Variants in PTCH1 observed in about 807,000 individuals in gnomAD.
PTCH1 encodes the protein protein patched homolog 1.
Under a neutral mutation model 144.6 loss-of-function variants are expected in PTCH1, and 14 were observed. The observed-to-expected ratio is 0.10, with a 90% CI of 0.06 to 0.15. The LOEUF (loss-of-function observed/expected upper bound fraction) is 0.15, where lower values mean the gene tolerates loss of function less well. PTCH1 is among the 10% of genes least tolerant of loss of function. The pLI is 1.00. For synonymous variants in PTCH1, 833 were observed against 793.6 expected, an observed-to-expected ratio of 1.05 and a Z score of -0.83; for missense variants, 1,623 against 1,948.3, an observed-to-expected ratio of 0.83 and a Z score of 3.14.
intron 18 of PTCH1, among the ~76,000 whole-genome samples, chr9:95,457,148 T>G (rs576367434): frequency 1.3e-5 from 2 of 152,006 alleles, no homozygotes; most frequent in Non-Finnish European, 2.9e-5. Context: ...TGAGTTAGAT[T>G]TGGAGTTTCT....
upstream of PTCH1, among the ~76,000 whole-genome samples, chr9:95,510,550 G>T (rs1725878372): frequency 6.6e-6 from 1 of 151,880 alleles, no homozygotes; most frequent in African/African-American, 2.4e-5. Context: ...TTTTTCTTAC[G>T]TTTCCAAGTT....
exon 1 of PTCH1, chr9:95,516,781 G>A (rs759072485): frequency 1.2e-6 from 2 of 1,612,518 alleles, no homozygotes; most frequent in Non-Finnish European, 8.5e-7. Context: ...GTGCAGCGCG[G>A]ACTCACAATT....
In PTCH1 at chr9:95,461,886, G is replaced by T. The variant is rs2099178630; in HGVS notation, c.2673C>A (p.Gly891=). 1 of 1,614,130 alleles carries T rather than the reference G, an allele frequency of 6.2e-7. No homozygotes were observed. The highest frequency in any genetic ancestry group is 1.1e-5 in the South Asian group (1 of 91,092). Residue 891 remains glycine (G), a synonymous_variant, in exon 16 of 24, where the codon GGC becomes GGA. Transcript: ENST00000331920. The part of the protein sequence containing the change: ...VLAYKLLVQT[G]SRDKPIDISQ... ...TGATGTCGATGGGCTTATCGCGGCT[G>T]CCGGTTTGCACCAGGAGTTTGTAGG... is the stretch of plus-strand genomic sequence containing the variant.
rs748609458 is a variant in PTCH1, at chr9:95,447,234, G to A, written c.4022C>T (p.Pro1341Leu). ...AGGGTTGTGAGAACGGGCCCCGCGA[G>A]GGCCCCAGCGGGCCCTATTGCTAGG... is the stretch of plus-strand genomic sequence containing the variant. ...SGPSNRARWG[P>L]RGARSHNPRN... is the part of the protein sequence containing the mutation. Residue 1341 changes from proline (P) to leucine (L), a missense_variant, in exon 23 of 24, where the codon CCT becomes CTT. Coordinates refer to ENST00000331920, the MANE Select transcript of PTCH1 (RefSeq NM_000264.5). 1.2e-6 allele frequency: 2 copies of A among 1,611,570 alleles called. No individual in the cohort carries two copies. Among genetic ancestry groups the A allele is most frequent in the Non-Finnish European group, 1.7e-6 (2 of 1,178,592 alleles).
intron 3 of PTCH1, 136 bp downstream of exon 3, chr9:95,485,549 G>T: frequency 1.9e-6 from 2 of 1,050,462 alleles, no homozygotes; most frequent in Non-Finnish European, 2.8e-6. Flanking sequence ...TCCTTTCATT[G>T]CAAAGCTATT....
Position 95,508,592 on chromosome 9 carries a change from T to C in PTCH1, c.-231A>G. 2.0e-6 allele frequency: 2 copies of C among 996,570 alleles called. No homozygotes were observed. The highest frequency in any genetic ancestry group is 2.4e-6 in the Non-Finnish European group (2 of 837,940). The allele number at this position is 996,570 out of a possible 1,614,324, so 61.7% of individuals were successfully genotyped here. On this transcript the variant is annotated 5_prime_UTR_variant, in exon 1 of 24. Coordinates refer to ENST00000331920, the MANE Select transcript of PTCH1 (RefSeq NM_000264.5). ...CGGCCGCTGCCGGGGAGTCAGACCCTGCGCCTTCCATTGCCACATTGCGCG... is the reference window on the plus strand; with the variant it reads ...CGGCCGCTGCCGGGGAGTCAGACCCCGCGCCTTCCATTGCCACATTGCGCG...
At chr9:95,503,188 G>C (rs1843275804) in intron 2 of PTCH1, 1 of 152,176 alleles carries the variant, frequency 6.6e-6, no homozygotes, top group South Asian at 2.1e-4. Context: ...AGAACCTTAA[G>C]AACAACCTAC....
At chr9:95,460,373 G>A (rs1457572948) in intron 16 of PTCH1, among the ~76,000 whole-genome samples, 5 of 152,158 alleles carry the variant, frequency 3.3e-5, no homozygotes, top group African/African-American at 7.2e-5. Flanking sequence ...TCCGCACGCC[G>A]CGTCCTCTGC....
At chr9:95,515,695 C>A (rs914029938) in intron 1 of PTCH1, among the ~76,000 whole-genome samples, 5 of 152,312 alleles carry the variant, frequency 3.3e-5, no homozygotes, top group Admixed American at 3.3e-4. Flanking sequence ...GGGCTGGTCG[C>A]CCATCTCTGT....
upstream of PTCH1, among the ~76,000 whole-genome samples, chr9:95,510,018 A>G (rs919663846): frequency 4.7e-5 from 7 of 149,194 alleles, no homozygotes; most frequent in Non-Finnish European, 1.0e-4. Flanking sequence ...AAAAAAAAAC[A>G]CAGTCTTGGT....
At chr9:95,479,881 A>G in intron 7 of PTCH1, 88 bp downstream of exon 7, 2 of 1,594,494 alleles carry the variant, frequency 1.3e-6, no homozygotes, top group Non-Finnish European at 8.6e-7. Context: ...TATTAATACA[A>G]ATACACTTGC....
intron 16 of PTCH1, among the ~76,000 whole-genome samples, chr9:95,460,918 C>A (rs1467460538): frequency 2.0e-5 from 3 of 152,146 alleles, no homozygotes; most frequent in Non-Finnish European, 4.4e-5. Context: ...CTGCTGTGAG[C>A]TCAGAGTTTC....
Position 95,456,178 on chromosome 9 carries a change from C to T in PTCH1, c.3306+98G>A, listed in dbSNP as rs886168852. 17 of 1,538,898 alleles carry T rather than the reference C, an allele frequency of 1.1e-5. 1 individual carries two copies. In the Middle Eastern group the frequency reaches 5.1e-4, roughly 46 times the overall value. Reference sequence around the variant, plus strand: ...GTGCCCTGAGGCCTTTTCACTGCCACGCACAGGGAGAATGCAAGGTTCCCA... The same window carrying T: ...GTGCCCTGAGGCCTTTTCACTGCCATGCACAGGGAGAATGCAAGGTTCCCA... On this transcript the variant is annotated intron_variant, in intron 19 of 23. Coordinates refer to ENST00000331920, the MANE Select transcript of PTCH1 (RefSeq NM_000264.5).
upstream of PTCH1, chr9:95,513,916 C>T (rs984508542): frequency 4.6e-5 from 7 of 152,236 alleles, no homozygotes; most frequent in African/African-American, 1.7e-4. Context: ...GGAAGCTGCT[C>T]CTAACTCCAC....
chr9:95,469,020 T>C lies in PTCH1; in HGVS notation c.1981A>G (p.Thr661Ala), dbSNP rs753850577. 10 of 1,613,950 alleles carry C rather than the reference T, an allele frequency of 6.2e-6. No homozygotes were observed. The South Asian group carries it at 9.9e-5, about 16-fold the overall frequency. ...TCGTACTCCGTGCGGAGCTGGACAG[T>C]GGACTGCATGGTAATCTGCGTTTCA... ...AHETQITMQSTVQLRTEYDPH... is the reference protein window; with the variant it reads ...AHETQITMQSAVQLRTEYDPH... Residue 661 changes from threonine to alanine, a missense_variant, in exon 14 of 24, where the codon ACT (threonine) becomes GCT (alanine). Thr to Ala is a moderately conservative substitution (Grantham distance 58). Transcript: ENST00000331920.
At chr9:95,456,051 G>A (rs1349084716) in intron 19 of PTCH1, among the ~76,000 whole-genome samples, 4 of 152,142 alleles carry the variant, frequency 2.6e-5, no homozygotes, top group East Asian at 1.9e-4. Flanking sequence ...CACTGCCTAC[G>A]GCTGACAGGG....
chr9:95,456,288 A>T lies in PTCH1; in HGVS notation c.3294T>A (p.Val1098=), dbSNP rs2136647368. ...ATGTCTCCCATACCAAAGCAACGTGAACGGTGAACTCCACTCCTATGCCAA... is the reference window on the plus strand; with the variant it reads ...ATGTCTCCCATACCAAAGCAACGTGTACGGTGAACTCCACTCCTATGCCAA... ...ASVGIGVEFT[V]HVALAFLTAI... Residue 1098 remains valine (V), a synonymous_variant, in exon 19 of 24, where the codon GTT becomes GTA. Coordinates refer to ENST00000331920, the MANE Select transcript of PTCH1 (RefSeq NM_000264.5). The T allele has an allele frequency of 6.2e-7, 1 of 1,613,888 alleles. No homozygotes were observed. The highest frequency in any genetic ancestry group is 1.3e-5 in the African/African-American group (1 of 75,038).
At chr9:95,500,350 T>C (rs117271895) in intron 2 of PTCH1, among the ~76,000 whole-genome samples, 1,728 of 152,326 alleles carry the variant, frequency 0.011, 26 homozygotes, top group Middle Eastern at 0.024. Context: ...CAATCATTGG[T>C]GGCTTCTCAT....
intron 15 of PTCH1, 90 bp downstream of exon 15, chr9:95,467,021 TTCTAA>T: frequency 7.3e-7 from 1 of 1,371,148 alleles, no homozygotes; most frequent in Non-Finnish European, 1.0e-6. Flanking sequence ...CAGTGTTACA[TTCTAA>T]TCTAACGCTC....
Sources: allele counts gnomAD v4.1 joint callset (sites outside exome capture counted in the v4.1 genomes callset), GRCh38; gene constraint gnomAD v4.1.1; transcripts MANE v1.5; gene names NCBI Gene and HGNC (gene_info 2026-07-23, HGNC 2026-07-21).